KCNH7: variants seen among roughly 807,000 people sequenced by gnomAD.
KCNH7 encodes the protein potassium voltage-gated channel subfamily H member 7.
A neutral mutation model predicts 120.8 loss-of-function variants in KCNH7; 49 were observed. The ratio of observed to expected loss-of-function variants is 0.41; its 90% CI spans 0.32 to 0.51. The LOEUF (loss-of-function observed/expected upper bound fraction) is 0.51, where lower values mean the gene tolerates loss of function less well. Among genes scored for constraint, KCNH7 ranks in the 20% least tolerant of loss-of-function variants. The pLI is 0.38. For missense variants in KCNH7, 1,097 were observed against 1,446.6 expected (o/e 0.76, Z 3.92); for synonymous variants, 547 against 516.1 (o/e 1.06, Z -0.81).
intron 3 of KCNH7, among the ~76,000 whole-genome samples, chr2:162,531,244 G>T (rs762290890): frequency 6.6e-6 from 1 of 151,902 alleles, no homozygotes; most frequent in Non-Finnish European, 1.5e-5. Context: ...GGAGGCTACT[G>T]TAAAGACTAT....
rs60854157 is a variant in KCNH7, at chr2:162,429,383, CTTTTT to C, written c.1954+5810_1954+5814del. On this transcript the variant is annotated intron_variant, in intron 8 of 15. Coordinates refer to ENST00000332142, the MANE Select transcript of KCNH7 (RefSeq NM_033272.4). ...AGACATTTAGAAATGAGGAAAAAGTCTTTTTTTTTTTTTTTTTTTTTTACTCACAC... is the reference window on the plus strand; with the variant it reads ...AGACATTTAGAAATGAGGAAAAAGTCTTTTTTTTTTTTTTTTTACTCACAC... 9.9e-4 allele frequency among the ~76,000 whole-genome samples: 85 copies of C among 86,246 alleles called. 1 individual carries two copies. The highest frequency in any genetic ancestry group is 8.6e-3 in the Middle Eastern group (1 of 116). The allele number at this position is 86,246 out of a possible 152,430, so 56.6% of individuals were successfully genotyped here. A position where few individuals can be genotyped will look rare whatever the true frequency, so the allele number is the denominator to read the frequency against.
chr2:162,745,378 A>G (rs1688280161), intron 2 of KCNH7, among the ~76,000 whole-genome samples: 1 of 152,170 alleles, frequency 6.6e-6, no homozygotes, highest in African/African-American at 2.4e-5. Flanking sequence ...TCTTTACCTG[A>G]AGGCTTTTTT....
chr2:162,441,310 T>G (rs1688408278), intron 7 of KCNH7, among the ~76,000 whole-genome samples: 1 of 152,182 alleles, frequency 6.6e-6, no homozygotes, highest in African/African-American at 2.4e-5. Context: ...GTCGAAATGC[T>G]CAGAGTTTGC....
chr2:162,587,369 C>T (rs959138413), intron 2 of KCNH7, among the ~76,000 whole-genome samples: 1 of 152,060 alleles, frequency 6.6e-6, no homozygotes, highest in South Asian at 2.1e-4. Context: ...TTTTCTTCCT[C>T]CAGTCTCTAT....
intron 2 of KCNH7, among the ~76,000 whole-genome samples, chr2:162,681,244 T>TA (rs1180779158): frequency 1.9e-4 from 28 of 150,580 alleles, no homozygotes; most frequent in Admixed American, 1.6e-3. Context: ...TTATTGTAGT[T>TA]AAAAAAAAAG....
At chr2:162,818,043 C>T (rs759501903) in intron 2 of KCNH7, among the ~76,000 whole-genome samples, 2 of 151,834 alleles carry the variant, frequency 1.3e-5, no homozygotes, top group Non-Finnish European at 2.9e-5. Flanking sequence ...TTAATGGAAA[C>T]TGTGTATATA....
chr2:162,800,200 T>C (rs1214507911), intron 2 of KCNH7, among the ~76,000 whole-genome samples: 1 of 151,676 alleles, frequency 6.6e-6, no homozygotes, highest in Admixed American at 6.6e-5. Flanking sequence ...TAACCAGATG[T>C]AGCATTGTAG....
rs41464145 is a variant in KCNH7, at chr2:162,373,675, C to G, written c.3132-13G>C. On this transcript the variant is annotated splice_polypyrimidine_tract_variant and intron_variant, in intron 14 of 15. Coordinates refer to ENST00000332142, the MANE Select transcript of KCNH7 (RefSeq NM_033272.4). ...TTGGGATTCAAGCCTACAGAACAGA[C>G]AGAAGTAGGAAAAGACAGTCTAAAA... is the stretch of plus-strand genomic sequence containing the variant. 27 of 1,441,330 alleles carry G rather than the reference C, an allele frequency of 1.9e-5. No individual in the cohort carries two copies. Among genetic ancestry groups the G allele is most frequent in the Non-Finnish European group, 2.4e-5 (26 of 1,091,414 alleles). 89.3% of individuals were successfully genotyped at this position (1,441,330 alleles called of 1,614,324 possible). A position where few individuals can be genotyped will look rare whatever the true frequency, so the allele number is the denominator to read the frequency against.
chr2:162,535,406 A>C (rs1427715140), intron 3 of KCNH7, among the ~76,000 whole-genome samples: 1 of 151,820 alleles, frequency 6.6e-6, no homozygotes, highest in African/African-American at 2.4e-5. Flanking sequence ...TGTATTCAGA[A>C]AGAAAAGTTA....
intron 2 of KCNH7, among the ~76,000 whole-genome samples, chr2:162,550,585 G>T (rs1692636356): frequency 1.3e-5 from 2 of 152,038 alleles, no homozygotes; most frequent in South Asian, 2.1e-4. Context: ...TGCCCCTGGT[G>T]GCTCTATACT....
intron 2 of KCNH7, among the ~76,000 whole-genome samples, chr2:162,565,575 C>T (rs1693224446): frequency 6.6e-6 from 1 of 151,926 alleles, no homozygotes; most frequent in African/African-American, 2.4e-5. Context: ...CAAAATGTCC[C>T]ATTAAATAGT....
chr2:162,522,352 C>T (rs1691562056), intron 3 of KCNH7, among the ~76,000 whole-genome samples: 1 of 151,892 alleles, frequency 6.6e-6, no homozygotes, highest in Non-Finnish European at 1.5e-5. Context: ...AAATTAATTA[C>T]CACATAGGCA....
At chr2:162,391,689 C>T (rs1239391566) in intron 12 of KCNH7, among the ~76,000 whole-genome samples, 5 of 152,014 alleles carry the variant, frequency 3.3e-5, no homozygotes, top group Non-Finnish European at 5.9e-5. Flanking sequence ...AGGGCCTTAT[C>T]AGGCGATAAA....
chr2:162,506,435 G>C (rs1014432519), intron 5 of KCNH7, among the ~76,000 whole-genome samples: 10 of 151,670 alleles, frequency 6.6e-5, no homozygotes, highest in African/African-American at 2.4e-4. Context: ...AATATTTACA[G>C]TTTGTAAATT....
At chr2:162,574,261 G>C (rs1321524385) in intron 2 of KCNH7, among the ~76,000 whole-genome samples, 1 of 152,042 alleles carries the variant, frequency 6.6e-6, no homozygotes, top group Non-Finnish European at 1.5e-5. Flanking sequence ...GCTTGGGAGA[G>C]CTTGGGCTGT....
intron 6 of KCNH7, among the ~76,000 whole-genome samples, chr2:162,452,121 A>G (rs1688794052): frequency 6.6e-6 from 1 of 152,112 alleles, no homozygotes. Context: ...GAAATGTTAT[A>G]ATATTTGGGC....
At chr2:162,398,145 T>C (rs1178628524) in intron 10 of KCNH7, among the ~76,000 whole-genome samples, 1 of 151,852 alleles carries the variant, frequency 6.6e-6, no homozygotes, top group African/African-American at 2.4e-5. Flanking sequence ...TCAATGGCAA[T>C]GTAAAATAGT....
chr2:162,422,739 T>C (rs1687746952), intron 9 of KCNH7, among the ~76,000 whole-genome samples: 1 of 151,978 alleles, frequency 6.6e-6, no homozygotes, highest in African/African-American at 2.4e-5. Flanking sequence ...TATGAAGGGA[T>C]CCATATTTCC....
At chr2:162,613,263 A>C (rs1574169860) in intron 2 of KCNH7, among the ~76,000 whole-genome samples, 1 of 152,172 alleles carries the variant, frequency 6.6e-6, no homozygotes, top group East Asian at 1.9e-4. Flanking sequence ...AAAGACTATA[A>C]TTAGAGTGAC....
Sources: gnomAD v4.1 joint callset for allele counts (sites outside exome capture counted in the v4.1 genomes callset) on GRCh38, gnomAD v4.1.1 for gene constraint, MANE v1.5 for transcripts, NCBI Gene and HGNC (gene_info 2026-07-23, HGNC 2026-07-21) for gene names.